TICAM2: variants seen among roughly 807,000 people sequenced by gnomAD.
The protein encoded by TICAM2 is TIR domain-containing adapter molecule 2.
In TICAM2, 8 loss-of-function variants were observed where a neutral mutation model predicts 7.3. That is an observed-to-expected ratio of 1.10 (90% CI 0.65 to 1.99). The LOEUF is 1.99. Among genes scored for constraint, TICAM2 ranks in the 30% most tolerant of loss-of-function variants. TICAM2 has a pLI of 0.00. For missense variants in TICAM2, 304 were observed against 278.8 expected (o/e 1.09, Z -0.65); for synonymous variants, 113 against 99.6 (o/e 1.13, Z -0.80).
intron 1 of TICAM2, among the ~76,000 whole-genome samples, chr5:115,592,387 G>A (rs545372831): frequency 6.6e-6 from 1 of 152,234 alleles, no homozygotes; most frequent in East Asian, 1.9e-4. Flanking sequence ...TACATTTACA[G>A]GATGTGCAGG....
At chr5:115,589,704 T>C (rs779369965) in intron 1 of TICAM2, among the ~76,000 whole-genome samples, 4 of 152,244 alleles carry the variant, frequency 2.6e-5, no homozygotes, top group Non-Finnish European at 4.4e-5. Context: ...CTTTCCTTCA[T>C]GGCACTAATC....
chr5:115,582,264 C>T (rs1222610994), intron 1 of TICAM2, among the ~76,000 whole-genome samples: 1 of 151,758 alleles, frequency 6.6e-6, no homozygotes, highest in Non-Finnish European at 1.5e-5. Context: ...TCAAGCCATA[C>T]TCCCACCTCA....
rs1754886204 is a variant in TICAM2 at position 115,580,682 on chromosome 5, A to G, written c.575T>C (p.Ile192Thr). ...ACGACTTTCTTCCTCTAAGGCATTG[A>G]TGGTTTGGAGGGCAAAGGGAGTCCT... is the stretch of plus-strand genomic sequence containing the variant. ...RERTPFALQT[I>T]NALEEESRGF... The change falls in exon 2 of 2, where the codon ATC (isoleucine) becomes ACC (threonine). Residue 192 changes from isoleucine to threonine, a missense_variant. Transcript: ENST00000427199. 1 of 1,591,368 alleles carries G rather than the reference A, an allele frequency of 6.3e-7. No individual in the cohort carries two copies. Among genetic ancestry groups the G allele is most frequent in the Admixed American group, 1.8e-5 (1 of 55,036 alleles).
intron 1 of TICAM2, among the ~76,000 whole-genome samples, chr5:115,590,977 G>A (rs1294928003): frequency 6.6e-6 from 1 of 151,980 alleles, no homozygotes; most frequent in East Asian, 1.9e-4. Flanking sequence ...ATCAAAATGG[G>A]GCTATTTGCA....
chr5:115,585,501 C>T (rs1243478094), intron 1 of TICAM2, among the ~76,000 whole-genome samples: 2 of 152,170 alleles, frequency 1.3e-5, no homozygotes, highest in African/African-American at 4.8e-5. Flanking sequence ...CATTCTGGTG[C>T]ATGCTTCTTA....
chr5:115,581,266 C>G lies in TICAM2; in HGVS notation c.-10G>C. 6.2e-7 allele frequency: 1 copy of G among 1,604,092 alleles called. No homozygotes were observed. The highest frequency in any genetic ancestry group is 8.5e-7 in the Non-Finnish European group (1 of 1,179,916). Reference sequence around the variant, plus strand: ...ACTTCCCGATACCCATTATAAATATCCAAGGCAGAAGAGGAAAACTTTATG... The same window carrying G: ...ACTTCCCGATACCCATTATAAATATGCAAGGCAGAAGAGGAAAACTTTATG... On this transcript the variant is annotated 5_prime_UTR_variant, in exon 2 of 2. Coordinates refer to ENST00000427199, the MANE Select transcript of TICAM2 (RefSeq NM_021649.7).
At position 115,581,183 on chromosome 5, in the gene TICAM2, G is replaced by A. The variant is rs1376528434; in HGVS notation, c.74C>T (p.Thr25Ile). The change falls in exon 2 of 2, where the codon ACA (threonine) becomes ATA (isoleucine). Residue 25 changes from threonine (T) to isoleucine (I), a missense_variant. Physicochemically the swap from Thr to Ile is moderately conservative, Grantham distance 89. Transcript: ENST00000427199. ...LSWGKRHSVD[T>I]SPGYHESDSK... ...ATCTGACTCATGATATCCTGGACTT[G>A]TATCCACACTGTGCCTTTTACCCCA... 3 of 1,613,506 alleles carry A rather than the reference G, an allele frequency of 1.9e-6. No individual in the cohort carries two copies. Among genetic ancestry groups the A allele is most frequent in the East Asian group, 2.2e-5 (1 of 44,870 alleles).
chr5:115,598,987 G>C (rs1755613406), intron 1 of TICAM2, among the ~76,000 whole-genome samples: 1 of 151,776 alleles, frequency 6.6e-6, no homozygotes, highest in South Asian at 2.1e-4. Context: ...CCAGCTATTT[G>C]GGAGGTTGAG....
intron 1 of TICAM2, among the ~76,000 whole-genome samples, chr5:115,600,118 G>C (rs1240407809): frequency 6.6e-6 from 1 of 152,182 alleles, no homozygotes; most frequent in Non-Finnish European, 1.5e-5. Context: ...GACCTAAAAA[G>C]AGAAGTCAAG....
chr5:115,582,398 C>T (rs1580404794), intron 1 of TICAM2, among the ~76,000 whole-genome samples: 2 of 147,120 alleles, frequency 1.4e-5, no homozygotes, highest in Non-Finnish European at 3.0e-5. Context: ...GTCTCGAACT[C>T]CTGGGCTCAA....
chr5:115,590,291 C>T (rs1437062979), intron 1 of TICAM2, among the ~76,000 whole-genome samples: 1 of 152,108 alleles, frequency 6.6e-6, no homozygotes, highest in Non-Finnish European at 1.5e-5. Flanking sequence ...GTTTAGGCAA[C>T]AGAGCAAGGC....
At chr5:115,586,835 G>T (rs1017448375) in intron 1 of TICAM2, among the ~76,000 whole-genome samples, 1 of 152,150 alleles carries the variant, frequency 6.6e-6, no homozygotes, top group African/African-American at 2.4e-5. Context: ...AACATGCTAG[G>T]TTTTAGAGAT....
chr5:115,597,472 T>C (rs1191942111), intron 1 of TICAM2, among the ~76,000 whole-genome samples: 1 of 152,222 alleles, frequency 6.6e-6, no homozygotes, highest in Non-Finnish European at 1.5e-5. Context: ...ATTATTCATA[T>C]GATCGAATCC....
intron 1 of TICAM2, among the ~76,000 whole-genome samples, chr5:115,591,017 T>A (rs543362318): frequency 6.6e-6 from 1 of 152,154 alleles, no homozygotes; most frequent in African/African-American, 2.4e-5. Context: ...GTGGACTAGG[T>A]AATTTGGATC....
At chr5:115,584,547 A>G (rs1007820224) in intron 1 of TICAM2, among the ~76,000 whole-genome samples, 5 of 152,204 alleles carry the variant, frequency 3.3e-5, no homozygotes, top group African/African-American at 1.2e-4. Flanking sequence ...CCCCAATGGG[A>G]TTTCCATTTG....
intron 1 of TICAM2, among the ~76,000 whole-genome samples, chr5:115,593,558 T>A (rs1755392225): frequency 6.6e-6 from 1 of 152,248 alleles, no homozygotes; most frequent in Non-Finnish European, 1.5e-5. Context: ...TCATGTTTAT[T>A]ACTTGAAATA....
rs1192861845 is a variant in TICAM2 at position 115,580,868 on chromosome 5, T to C, written c.389A>G (p.Asn130Ser). Residue 130 changes from asparagine to serine, a missense_variant, in exon 2 of 2, where the codon AAT (asparagine) becomes AGT (serine). Coordinates refer to ENST00000427199, the MANE Select transcript of TICAM2 (RefSeq NM_021649.7). ...QHLQNLDDAV[N>S]GSAWTILLLT... ...TAATAAGATTGTCCATGCAGACCCATTTACAGCATCATCTAAATTCTGTAA... is the reference window on the plus strand; with the variant it reads ...TAATAAGATTGTCCATGCAGACCCACTTACAGCATCATCTAAATTCTGTAA... 2.5e-6 allele frequency: 4 copies of C among 1,613,512 alleles called. No homozygotes were observed. The South Asian group carries it at 4.4e-5, about 18-fold the overall frequency.
chr5:115,599,785 T>G (rs1346025575), intron 1 of TICAM2, among the ~76,000 whole-genome samples: 1 of 152,046 alleles, frequency 6.6e-6, no homozygotes, highest in African/African-American at 2.4e-5. Context: ...AGGAGATGAG[T>G]TCAGAGAACT....
At chr5:115,591,456 C>G (rs913246822) in intron 1 of TICAM2, among the ~76,000 whole-genome samples, 1 of 152,120 alleles carries the variant, frequency 6.6e-6, no homozygotes, top group African/African-American at 2.4e-5. Flanking sequence ...GACAAGAAAG[C>G]CAGCAAACGC....
Sources: allele counts gnomAD v4.1 joint callset (sites outside exome capture counted in the v4.1 genomes callset), GRCh38; gene constraint gnomAD v4.1.1; transcripts MANE v1.5; gene names NCBI Gene and HGNC (gene_info 2026-07-23, HGNC 2026-07-21).